Variants in SORCS3 observed in about 807,000 individuals in gnomAD.
The protein encoded by SORCS3 is VPS10 domain-containing receptor SorCS3.
In SORCS3, 57 loss-of-function variants were observed where a neutral mutation model predicts 146.3. That is an observed-to-expected ratio of 0.39 (90% confidence interval 0.31 to 0.49). The LOEUF (loss-of-function observed/expected upper bound fraction) is 0.49. SORCS3 is among the 20% of genes least tolerant of loss of function. The probability of loss-of-function intolerance (pLI) is 0.92; values close to 1 mark genes in which losing one functional copy is unlikely to be tolerated. For missense variants in SORCS3, 1,341 were observed against 1,575.5 expected, an observed-to-expected ratio of 0.85 and a Z score of 2.52; for synonymous variants, 653 against 618.5, an observed-to-expected ratio of 1.06 and a Z score of -0.83.
chr10:104,818,682 A>G (rs563932465), intron 1 of SORCS3, among the ~76,000 whole-genome samples: 1 of 152,174 alleles, frequency 6.6e-6, no homozygotes, highest in Admixed American at 6.5e-5. Flanking sequence ...GCTTGTCTTC[A>G]GAAAGATTCC....
At chr10:104,864,440 C>A (rs1264651146) in intron 2 of SORCS3, among the ~76,000 whole-genome samples, 3 of 152,082 alleles carry the variant, frequency 2.0e-5, no homozygotes, top group Admixed American at 2.0e-4. Flanking sequence ...TGCACTGGCA[C>A]CAAAACTACA....
chr10:105,021,246 G>A (rs1240725919), intron 4 of SORCS3, among the ~76,000 whole-genome samples: 3 of 152,182 alleles, frequency 2.0e-5, no homozygotes, highest in Non-Finnish European at 4.4e-5. Context: ...GGGTCTTCTT[G>A]TGGTGTCATC....
At chr10:104,963,561 T>C (rs949831676) in intron 3 of SORCS3, among the ~76,000 whole-genome samples, 22 of 152,166 alleles carry the variant, frequency 1.4e-4, no homozygotes, top group African/African-American at 4.8e-4. Flanking sequence ...CCAGACTCTC[T>C]TTTATCTGTA....
intron 3 of SORCS3, among the ~76,000 whole-genome samples, chr10:104,944,527 G>A (rs2019350285): frequency 1.3e-5 from 2 of 152,006 alleles, no homozygotes; most frequent in African/African-American, 2.4e-5. Flanking sequence ...AAAGACTGAC[G>A]ACTTAAAAAA....
At chr10:105,251,469 T>C (rs1219279486) in intron 22 of SORCS3, among the ~76,000 whole-genome samples, 4 of 152,126 alleles carry the variant, frequency 2.6e-5, no homozygotes, top group African/African-American at 9.7e-5. Context: ...CAGACAGATG[T>C]AATCATGTGT....
chr10:104,762,847 C>A (rs990234599), intron 1 of SORCS3, among the ~76,000 whole-genome samples: 1 of 152,126 alleles, frequency 6.6e-6, no homozygotes, highest in African/African-American at 2.4e-5. Flanking sequence ...AATCTACTTT[C>A]TTTATAAATT....
rs151076369 is a variant in SORCS3, at chr10:105,139,287, A to G, written c.1213-110A>G. The stretch of plus-strand genomic sequence containing the variant: ...CCAAAGCCAGCAAGGAATATTCTCT[A>G]AAAGGTAATTACAAACCCATTGTGG... On this transcript the variant is annotated intron_variant, in intron 7 of 26. Transcript: ENST00000369701. 3.5e-4 allele frequency: 283 copies of G among 806,210 alleles called. No homozygotes were observed. The East Asian group carries it at 6.0e-3, about 17-fold the overall frequency. The allele number at this position is 806,210 out of a possible 1,614,324, so 49.9% of individuals were successfully genotyped here.
intron 2 of SORCS3, among the ~76,000 whole-genome samples, chr10:104,853,364 A>G (rs1360305377): frequency 6.6e-6 from 1 of 152,244 alleles, no homozygotes; most frequent in African/African-American, 2.4e-5. Flanking sequence ...AAGGCTTTCT[A>G]TTCATAAAGG....
At chr10:104,746,526 A>T (rs2016914062) in intron 1 of SORCS3, among the ~76,000 whole-genome samples, 1 of 152,274 alleles carries the variant, frequency 6.6e-6, no homozygotes, top group South Asian at 2.1e-4. Flanking sequence ...AAAGCATTTG[A>T]AATCTATTTT....
chr10:104,836,275 G>A lies in SORCS3; in HGVS notation c.628-6517G>A, dbSNP rs538727962. 6.6e-5 allele frequency among the ~76,000 whole-genome samples: 10 copies of A among 152,168 alleles called. No homozygotes were observed. In the East Asian group the frequency reaches 1.7e-3, roughly 26 times the overall value. The stretch of plus-strand genomic sequence containing the variant: ...GACTTGGACTTGTTAGTTCCAATAC[G>A]GATAATCTTGGAAGGCAGCAGGTTA... On this transcript the variant is annotated intron_variant, in intron 1 of 26. Transcript: ENST00000369701.
chr10:104,754,317 C>T (rs1466000884), intron 1 of SORCS3, among the ~76,000 whole-genome samples: 2 of 152,160 alleles, frequency 1.3e-5, no homozygotes, highest in African/African-American at 2.4e-5. Context: ...ATCAGATTGT[C>T]AGACCCCACG....
chr10:105,255,452 C>T (rs1446316331), intron 23 of SORCS3, among the ~76,000 whole-genome samples: 2 of 152,090 alleles, frequency 1.3e-5, no homozygotes, highest in Non-Finnish European at 2.9e-5. Context: ...TGCACATGTA[C>T]CCTAAAAGTA....
chr10:104,901,059 A>G (rs771699634), intron 2 of SORCS3, among the ~76,000 whole-genome samples: 3 of 152,058 alleles, frequency 2.0e-5, no homozygotes, highest in Non-Finnish European at 2.9e-5. Context: ...TACTTTTTTC[A>G]TGAAGTCTTC....
At chr10:105,068,974 A>G (rs2055539443) in intron 5 of SORCS3, among the ~76,000 whole-genome samples, 1 of 152,232 alleles carries the variant, frequency 6.6e-6, no homozygotes, top group Non-Finnish European at 1.5e-5. Context: ...CAAAATCAGA[A>G]TATGCTCACC....
chr10:105,156,532 A>T lies in SORCS3; in HGVS notation c.1483-606A>T, dbSNP rs2056210755. Among the ~76,000 whole-genome samples the T allele has an allele frequency of 5.9e-5, 9 of 152,312 alleles. 1 individual carries two copies. The South Asian group carries it at 1.9e-3, about 32-fold the overall frequency. On this transcript the variant is annotated intron_variant, in intron 9 of 26. Transcript: ENST00000369701. ...TAGTCTCATGGATCCTTTGCCAGCC[A>T]ACTGGGAAAAAGAAGAGGAATAGGG...
intron 5 of SORCS3, among the ~76,000 whole-genome samples, chr10:105,048,003 A>G (rs2055385520): frequency 6.6e-6 from 1 of 152,152 alleles, no homozygotes; most frequent in African/African-American, 2.4e-5. Flanking sequence ...CACACCAGTT[A>G]GAATGGCGAT....
chr10:105,034,348 A>G (rs1357137726), intron 4 of SORCS3, among the ~76,000 whole-genome samples: 2 of 152,172 alleles, frequency 1.3e-5, no homozygotes, highest in African/African-American at 2.4e-5. Flanking sequence ...CCCTGAGACT[A>G]GAGAGTTCAT....
chr10:104,693,138 T>C (rs1357437063), intron 1 of SORCS3, among the ~76,000 whole-genome samples: 1 of 152,228 alleles, frequency 6.6e-6, no homozygotes, highest in African/African-American at 2.4e-5. Flanking sequence ...AGGTAGCCTC[T>C]GTGGGGCTGG....
chr10:104,746,878 A>G (rs2133465692), intron 1 of SORCS3, among the ~76,000 whole-genome samples: 1 of 152,380 alleles, frequency 6.6e-6, no homozygotes, highest in Non-Finnish European at 1.5e-5. Flanking sequence ...ATTCATATGT[A>G]TTGACATTGA....
Sources: gnomAD v4.1 joint callset for allele counts (sites outside exome capture counted in the v4.1 genomes callset) on GRCh38, gnomAD v4.1.1 for gene constraint, MANE v1.5 for transcripts, NCBI Gene and HGNC (gene_info 2026-07-23, HGNC 2026-07-21) for gene names.